PTPRM: variants seen among roughly 807,000 people sequenced by gnomAD.
PTPRM encodes the protein receptor-type tyrosine-protein phosphatase mu.
In PTPRM, 47 loss-of-function variants were observed where a neutral mutation model predicts 186.7. The ratio of observed to expected loss-of-function variants is 0.25; its 90% CI spans 0.20 to 0.32. PTPRM has a LOEUF of 0.32. Ranked by LOEUF, PTPRM falls within the 10% of genes least tolerant of loss-of-function variation. The pLI, the probability that PTPRM is intolerant of heterozygous loss-of-function variation, is 1.00. For synonymous variants in PTPRM, 668 were observed against 674.9 expected (o/e 0.99, Z 0.16); for missense variants, 1,494 against 1,865.0 (o/e 0.80, Z 3.66).
intron 1 of PTPRM, among the ~76,000 whole-genome samples, chr18:7,660,355 T>C (rs1038046970): frequency 6.6e-6 from 1 of 150,778 alleles, no homozygotes; most frequent in African/African-American, 2.5e-5. Flanking sequence ...AATAATAAAA[T>C]AAGTAAAGCA....
In PTPRM at chr18:7,946,816, G is replaced by A. The variant is rs372229311; in HGVS notation, c.664-2365G>A. The A allele has an allele frequency of 1.5e-4, 60 of 401,360 alleles. No homozygotes were observed. In the Admixed American group the frequency reaches 1.6e-3, roughly 11 times the overall value. 24.9% of individuals were successfully genotyped at this position (401,360 alleles called of 1,614,324 possible). ...TTGATGGAACTGTTCTTCCCCACTC[G>A]TGATGTTTCCTTCCAAGTGGCAGGA... is the stretch of plus-strand genomic sequence containing the variant. On this transcript the variant is annotated intron_variant, in intron 5 of 32. Coordinates refer to ENST00000580170, the MANE Select transcript of PTPRM (RefSeq NM_001105244.2).
rs1264127412 is a variant in PTPRM, at chr18:8,372,327, G to A, written c.3171+1321G>A. Among the ~76,000 whole-genome samples the A allele has an allele frequency of 3.5e-5, 5 of 143,736 alleles. No individual in the cohort carries two copies. In the East Asian group the frequency reaches 9.7e-4, roughly 28 times the overall value. The allele number at this position is 143,736 out of a possible 152,430, so 94.3% of individuals were successfully genotyped here. On this transcript the variant is annotated intron_variant, in intron 24 of 32. Coordinates refer to ENST00000580170, the MANE Select transcript of PTPRM (RefSeq NM_001105244.2). ...CTGACCTCATGATCCACCCGCCTCGGCCTCCCAAAGTGCTGGGATTACAGG... is the reference window on the plus strand; with the variant it reads ...CTGACCTCATGATCCACCCGCCTCGACCTCCCAAAGTGCTGGGATTACAGG...
At chr18:8,226,560 G>A (rs2094216511) in intron 14 of PTPRM, among the ~76,000 whole-genome samples, 1 of 152,142 alleles carries the variant, frequency 6.6e-6, no homozygotes. Context: ...GCCCTTGTTG[G>A]GAAGAATTGT....
intron 22 of PTPRM, among the ~76,000 whole-genome samples, chr18:8,331,307 C>G (rs1318522899): frequency 6.6e-6 from 1 of 152,182 alleles, no homozygotes; most frequent in Non-Finnish European, 1.5e-5. Context: ...ACAAACCACC[C>G]CATTATTGGT....
At chr18:8,037,125 T>C (rs1231025381) in intron 7 of PTPRM, among the ~76,000 whole-genome samples, 3 of 152,176 alleles carry the variant, frequency 2.0e-5, no homozygotes, top group Non-Finnish European at 4.4e-5. Flanking sequence ...ATAAAACATC[T>C]AAGATAAGGA....
At chr18:7,755,758 C>T (rs1370034121) in intron 1 of PTPRM, among the ~76,000 whole-genome samples, 2 of 152,160 alleles carry the variant, frequency 1.3e-5, no homozygotes, top group African/African-American at 4.8e-5. Context: ...TTGTGCTGTT[C>T]TACAGATTTT....
chr18:7,775,838 A>G (rs1382098073), intron 2 of PTPRM, among the ~76,000 whole-genome samples: 2 of 152,238 alleles, frequency 1.3e-5, no homozygotes, highest in Admixed American at 6.5e-5. Flanking sequence ...TGTTTCTGGC[A>G]CAAGATAACT....
intron 1 of PTPRM, among the ~76,000 whole-genome samples, chr18:7,620,586 T>G (rs1174841706): frequency 2.0e-5 from 3 of 152,178 alleles, no homozygotes; most frequent in African/African-American, 7.2e-5. Flanking sequence ...TTGCAGTGCT[T>G]GAGAGAATCT....
chr18:8,336,598 G>A (rs1303664412), intron 22 of PTPRM, among the ~76,000 whole-genome samples: 4 of 144,754 alleles, frequency 2.8e-5, no homozygotes, highest in Non-Finnish European at 6.0e-5. Context: ...CAGAGAGAGA[G>A]AAAAGAAGAG....
chr18:7,961,489 A>G (rs954422687), intron 7 of PTPRM, among the ~76,000 whole-genome samples: 37 of 152,176 alleles, frequency 2.4e-4, no homozygotes, highest in African/African-American at 8.2e-4. Flanking sequence ...AATTGTATAT[A>G]TTTGTTTCAT....
intron 14 of PTPRM, among the ~76,000 whole-genome samples, chr18:8,152,712 CTTTTTTTTT>C (rs35112154): frequency 3.5e-5 from 2 of 56,950 alleles, no homozygotes; most frequent in Admixed American, 6.0e-4. Flanking sequence ...TGCCTCACCT[CTTTTTTTTT>C]TTTTTTTTTT....
chr18:7,654,337 T>C (rs2038797417), intron 1 of PTPRM, among the ~76,000 whole-genome samples: 1 of 152,136 alleles, frequency 6.6e-6, no homozygotes, highest in Non-Finnish European at 1.5e-5. Context: ...GTGCTGGAGG[T>C]TACAAATTTT....
At chr18:8,303,786 A>G (rs1479301457) in intron 20 of PTPRM, among the ~76,000 whole-genome samples, 1 of 152,152 alleles carries the variant, frequency 6.6e-6, no homozygotes, top group Non-Finnish European at 1.5e-5. Flanking sequence ...CAGAACCTGC[A>G]TGGCAGAGCT....
intron 1 of PTPRM, among the ~76,000 whole-genome samples, chr18:7,579,302 GA>G (rs1271891324): frequency 6.6e-6 from 1 of 152,146 alleles, no homozygotes; most frequent in Non-Finnish European, 1.5e-5. Context: ...TCAGAAACTG[GA>G]AAGAAATACC....
In PTPRM at chr18:8,190,801, T is replaced by C. The variant is rs74931044; in HGVS notation, c.2300+47022T>C. On this transcript the variant is annotated intron_variant, in intron 14 of 32. Coordinates refer to ENST00000580170, the MANE Select transcript of PTPRM (RefSeq NM_001105244.2). ...GTGAAGATAGTTGTAATTCAGAGAA[T>C]ATATGTGGGGAAATACAAAAAACAA... Among the ~76,000 whole-genome samples, 45 of 152,318 alleles carry C rather than the reference T, an allele frequency of 3.0e-4. No individual in the cohort carries two copies. In the East Asian group the frequency reaches 8.3e-3, roughly 28 times the overall value.
intron 11 of PTPRM, among the ~76,000 whole-genome samples, chr18:8,102,126 C>A (rs2091318103): frequency 6.6e-6 from 1 of 152,118 alleles, no homozygotes. Flanking sequence ...TTAAAAAATA[C>A]ATTATTGCTA....
At chr18:8,034,595 A>T (rs1034145505) in intron 7 of PTPRM, among the ~76,000 whole-genome samples, 2 of 152,200 alleles carry the variant, frequency 1.3e-5, no homozygotes, top group Admixed American at 6.5e-5. Context: ...AATCCAGCAG[A>T]TCAAACTCCA....
At chr18:8,267,969 T>C (rs1286367130) in intron 19 of PTPRM, among the ~76,000 whole-genome samples, 2 of 152,182 alleles carry the variant, frequency 1.3e-5, no homozygotes, top group African/African-American at 4.8e-5. Flanking sequence ...TTATTATTTG[T>C]CTCCTACTAA....
chr18:7,690,635 G>T (rs2144642130), intron 1 of PTPRM, among the ~76,000 whole-genome samples: 1 of 152,264 alleles, frequency 6.6e-6, no homozygotes. Context: ...TTTCAAGAGA[G>T]AAGTTTATTC....
Sources: gnomAD v4.1 joint callset for allele counts (sites outside exome capture counted in the v4.1 genomes callset) on GRCh38, gnomAD v4.1.1 for gene constraint, MANE v1.5 for transcripts, NCBI Gene and HGNC (gene_info 2026-07-23, HGNC 2026-07-21) for gene names.